The following PDE7A variants were observed in gnomAD, a reference collection of about 807,000 sequenced individuals.
PDE7A encodes the protein high affinity 3',5'-cyclic-AMP phosphodiesterase 7A.
Under a neutral mutation model 64.3 loss-of-function variants are expected in PDE7A, and 39 were observed. That is an observed-to-expected ratio of 0.61 (90% CI 0.47 to 0.79). PDE7A has a LOEUF of 0.79. Ranked by LOEUF, PDE7A falls within the 30% of genes least tolerant of loss-of-function variation. The pLI is 0.00. For missense variants in PDE7A, 470 were observed against 582.8 expected (o/e 0.81, Z 1.99); for synonymous variants, 203 against 206.8 (o/e 0.98, Z 0.16).
chr8:65,733,981 T>C (rs770130335), intron 7 of PDE7A, among the ~76,000 whole-genome samples: 5 of 152,208 alleles, frequency 3.3e-5, no homozygotes, highest in Non-Finnish European at 7.3e-5. Context: ...GGGGCAAACA[T>C]GGCTTTCATT....
At chr8:65,774,834 T>C (rs1045499809) in intron 3 of PDE7A, among the ~76,000 whole-genome samples, 2 of 152,182 alleles carry the variant, frequency 1.3e-5, no homozygotes, top group South Asian at 2.1e-4. Flanking sequence ...GTTTCTCATA[T>C]CTGCTAATAC....
chr8:65,821,829 T>C (rs1810548629), intron 1 of PDE7A, among the ~76,000 whole-genome samples: 1 of 152,262 alleles, frequency 6.6e-6, no homozygotes, highest in Non-Finnish European at 1.5e-5. Flanking sequence ...AAGTTTTACA[T>C]ACAGTGAGTT....
At position 65,765,333 on chromosome 8, in the gene PDE7A, C is replaced by A. The variant is rs1473952239; in HGVS notation, c.283+14387G>T. On this transcript the variant is annotated intron_variant, in intron 3 of 12. Transcript: ENST00000401827. ...TGAAACCCCGTCTCTACTAAAAATA[C>A]AAAAAATTAGCCGGGCGTAGTGGCG... Among the ~76,000 whole-genome samples, 9 of 150,034 alleles carry A rather than the reference C, an allele frequency of 6.0e-5. No individual in the cohort carries two copies. The East Asian group carries it at 1.8e-3, about 29-fold the overall frequency.
intron 5 of PDE7A, 121 bp from the exon 6 acceptor site, chr8:65,739,718 C>T (rs1418790553): frequency 9.2e-7 from 1 of 1,083,694 alleles, no homozygotes; most frequent in Non-Finnish European, 1.2e-6. Context: ...CACTTTTTGT[C>T]TATCAAAAAT....
At chr8:65,833,122 C>T (rs1810872107) in intron 1 of PDE7A, among the ~76,000 whole-genome samples, 1 of 152,186 alleles carries the variant, frequency 6.6e-6, no homozygotes, top group South Asian at 2.1e-4. Flanking sequence ...CATATTAACC[C>T]TCTTTTTCCT....
chr8:65,776,163 C>G (rs1310483488), intron 3 of PDE7A, among the ~76,000 whole-genome samples: 5 of 152,040 alleles, frequency 3.3e-5, no homozygotes, highest in African/African-American at 9.7e-5. Flanking sequence ...ATGGTGTGAA[C>G]AGGGTCCAAG....
chr8:65,797,310 A>C (rs1809867513), intron 1 of PDE7A, among the ~76,000 whole-genome samples: 1 of 152,230 alleles, frequency 6.6e-6, no homozygotes, highest in Non-Finnish European at 1.5e-5. Context: ...TCTAAATCCA[A>C]TGACTAGTGT....
chr8:65,731,749 A>G (rs1806898277), intron 7 of PDE7A: 1 of 152,194 alleles, frequency 6.6e-6, no homozygotes, highest in Non-Finnish European at 1.5e-5. Flanking sequence ...TTCCACATAG[A>G]CAAGAGTCCA....
At chr8:65,820,821 CTT>C (rs1361372598) in intron 1 of PDE7A, among the ~76,000 whole-genome samples, 1 of 152,124 alleles carries the variant, frequency 6.6e-6, no homozygotes, top group Non-Finnish European at 1.5e-5. Flanking sequence ...AACTCCTGAC[CTT>C]AGATGATCCA....
At chr8:65,739,640 T>C in intron 5 of PDE7A, 43 bp from the exon 6 acceptor site, 1 of 1,429,252 alleles carries the variant, frequency 7.0e-7, no homozygotes, top group Non-Finnish European at 9.2e-7. Flanking sequence ...GAAATACAAG[T>C]CAACACAATT....
At chr8:65,840,303 C>A (rs1436151694) in intron 1 of PDE7A, among the ~76,000 whole-genome samples, 1 of 151,922 alleles carries the variant, frequency 6.6e-6, no homozygotes, top group Non-Finnish European at 1.5e-5. Context: ...GCTCTTGCTC[C>A]TTCTACAAAC....
chr8:65,806,272 T>C (rs527523541), intron 1 of PDE7A, among the ~76,000 whole-genome samples: 1 of 151,640 alleles, frequency 6.6e-6, no homozygotes, highest in African/African-American at 2.4e-5. Context: ...TTTTAACTAT[T>C]TTAAATTTGT....
At chr8:65,742,553 A>G (rs1380273079) in intron 5 of PDE7A, among the ~76,000 whole-genome samples, 2 of 152,218 alleles carry the variant, frequency 1.3e-5, no homozygotes, top group Non-Finnish European at 2.9e-5. Context: ...CATAAGAAAC[A>G]CAAGAAAGCA....
At chr8:65,778,249 T>C (rs992379204) in intron 3 of PDE7A, among the ~76,000 whole-genome samples, 2 of 152,186 alleles carry the variant, frequency 1.3e-5, no homozygotes, top group Non-Finnish European at 2.9e-5. Flanking sequence ...ACACTTCCTC[T>C]TTCTTGAAAT....
intron 3 of PDE7A, among the ~76,000 whole-genome samples, chr8:65,774,474 T>G (rs1246879282): frequency 3.3e-5 from 5 of 152,088 alleles, no homozygotes; most frequent in African/African-American, 9.7e-5. Context: ...TTTAGAGAGA[T>G]AACTCTTACA....
intron 9 of PDE7A, among the ~76,000 whole-genome samples, chr8:65,726,501 A>C (rs1806618413): frequency 6.6e-6 from 1 of 152,172 alleles, no homozygotes; most frequent in Non-Finnish European, 1.5e-5. Flanking sequence ...AATGTAATAG[A>C]ATGTTTACAT....
chr8:65,750,500 GTGTC>G (rs772764719), intron 3 of PDE7A, among the ~76,000 whole-genome samples: 11,758 of 144,002 alleles, frequency 0.082, 557 homozygotes, highest in African/African-American at 0.15. Flanking sequence ...GTGTGTGTGT[GTGTC>G]TGTGTGTGTC....
At chr8:65,737,441 G>A (rs1035580933) in intron 6 of PDE7A, among the ~76,000 whole-genome samples, 5 of 152,130 alleles carry the variant, frequency 3.3e-5, no homozygotes, top group African/African-American at 1.2e-4. Flanking sequence ...TGTATCTGTA[G>A]AGTCACACAG....
intron 1 of PDE7A, among the ~76,000 whole-genome samples, chr8:65,792,583 A>G (rs1809730779): frequency 6.6e-6 from 1 of 152,214 alleles, no homozygotes; most frequent in South Asian, 2.1e-4. Flanking sequence ...AATCCCATGG[A>G]CAGAAATAGT....
Sources: allele counts gnomAD v4.1 joint callset (sites outside exome capture counted in the v4.1 genomes callset), GRCh38; gene constraint gnomAD v4.1.1; transcripts MANE v1.5; gene names NCBI Gene and HGNC (gene_info 2026-07-23, HGNC 2026-07-21).